PLEC: variants seen among roughly 807,000 people sequenced by gnomAD.
PLEC encodes plectin.
In PLEC, 216 loss-of-function variants were observed where a neutral mutation model predicts 392.8. The ratio of observed to expected loss-of-function variants is 0.55; its 90% CI spans 0.49 to 0.62. PLEC has a LOEUF of 0.62. Among genes scored for constraint, PLEC ranks in the 20% least tolerant of loss-of-function variants. The pLI, the probability that PLEC is intolerant of heterozygous loss-of-function variation, is 0.00. For missense variants in PLEC, 6,863 were observed against 6,563.4 expected (o/e 1.05, Z -1.58); for synonymous variants, 3,621 against 2,980.6 (o/e 1.21, Z -7.00).
intron 1 of PLEC, among the ~76,000 whole-genome samples, chr8:143,949,800 C>T (rs782643308): frequency 1.3e-5 from 2 of 152,168 alleles, no homozygotes; most frequent in Non-Finnish European, 2.9e-5. Flanking sequence ...ACCCAACCGG[C>T]GCCAGCACCT....
chr8:143,971,342 A>AAATG (rs1483544924), intron 1 of PLEC, among the ~76,000 whole-genome samples: 5 of 152,062 alleles, frequency 3.3e-5, no homozygotes, highest in Non-Finnish European at 5.9e-5. Flanking sequence ...CAGAACCACC[A>AAATG]AATGCTGAGC....
At position 143,931,673 on chromosome 8, in the gene PLEC, AG is replaced by A. The variant is rs782612482; in HGVS notation, c.2179-15del. 6.3e-7 allele frequency: 1 copy of A among 1,594,726 alleles called. No individual in the cohort carries two copies. Among genetic ancestry groups the A allele is most frequent in the Admixed American group, 1.7e-5 (1 of 57,444 alleles). ...ATCTGAGAAGAACTGGGGCAGCGGG[AG>A]GGGGTCACGCCAGGCTACCTGGGAC... On this transcript the variant is annotated splice_polypyrimidine_tract_variant and intron_variant, in intron 18 of 31. Coordinates refer to ENST00000345136, the MANE Select transcript of PLEC (RefSeq NM_201384.3).
rs781957922 is a variant in PLEC, at chr8:143,921,461, G to A, written c.8360C>T (p.Ser2787Phe). 1.9e-6 allele frequency: 3 copies of A among 1,613,338 alleles called. No individual in the cohort carries two copies. The highest frequency in any genetic ancestry group is 2.2e-5 in the East Asian group (1 of 44,872). ...YKDPYTGQQISLFQAMQKGLI... is the reference protein window; with the variant it reads ...YKDPYTGQQIFLFQAMQKGLI... ...GCCCTTCTGCATGGCTTGGAAGAGA[G>A]AGATCTGCTGGCCAGTGTAGGGGTC... is the stretch of plus-strand genomic sequence containing the variant. The change falls in exon 32 of 32, where the codon TCT becomes TTT. Residue 2787 changes from serine (S) to phenylalanine (F), a missense_variant. Coordinates refer to ENST00000345136, the MANE Select transcript of PLEC (RefSeq NM_201384.3).
chr8:143,928,660 T>C (rs920417929), intron 25 of PLEC, among the ~76,000 whole-genome samples: 5 of 127,454 alleles, frequency 3.9e-5, no homozygotes, highest in Non-Finnish European at 7.4e-5. Flanking sequence ...CTGTGAGGAG[T>C]AGACAGCGGG....
At chr8:143,927,170 A>G (rs1825511504) in intron 28 of PLEC, 82 bp downstream of exon 28, 1 of 1,570,942 alleles carries the variant, frequency 6.4e-7, no homozygotes, top group Non-Finnish European at 8.7e-7. Context: ...TTTCCCTGGC[A>G]TGGCCCAGGC....
intron 1 of PLEC, among the ~76,000 whole-genome samples, chr8:143,967,362 CAAAAAAAAAAAAAAAA>C (rs869137248): frequency 4.3e-5 from 2 of 46,854 alleles, no homozygotes; most frequent in African/African-American, 6.9e-5. Context: ...GACTCCATCT[CAAAAAAAAAAAAAAAA>C]AAAAAAAAAA....
At chr8:143,931,297 C>A (rs1025281711) in intron 19 of PLEC, among the ~76,000 whole-genome samples, 2 of 108,714 alleles carry the variant, frequency 1.8e-5, no homozygotes, top group Non-Finnish European at 4.8e-5. Flanking sequence ...GACCTCTACA[C>A]CTCCCATGGT....
intron 28 of PLEC, 31 bp downstream of exon 28, chr8:143,927,221 T>G (rs1354915229): frequency 1.9e-6 from 3 of 1,605,306 alleles, no homozygotes; most frequent in South Asian, 2.2e-5. Flanking sequence ...GGTCCCGGAC[T>G]TGGGGCCTGG....
At position 143,933,217 on chromosome 8, in the gene PLEC, C is replaced by G; in HGVS notation, c.1398G>C (p.Gln466His). The G allele has an allele frequency of 6.2e-7, 1 of 1,612,868 alleles. No individual in the cohort carries two copies. The highest frequency in any genetic ancestry group is 8.5e-7 in the Non-Finnish European group (1 of 1,179,956). The change falls in exon 13 of 32, where the codon CAG becomes CAC. Residue 466 changes from glutamine to histidine, a missense_variant. By Grantham distance (24) the Gln-to-His change is conservative. Coordinates refer to ENST00000345136, the MANE Select transcript of PLEC (RefSeq NM_201384.3). ...CCCACCTGCGGTACATCTGCTCGCC[C>G]TGCGGGTGCCGTCCATCCTTGAGGG... is the stretch of plus-strand genomic sequence containing the variant. ...VQTLKDGRHP[Q>H]GEQMYRRVYR...
intron 2 of PLEC, 146 bp from the exon 3 acceptor site, chr8:143,938,386 C>G (rs1554725480): frequency 6.5e-7 from 1 of 1,535,520 alleles, no homozygotes; most frequent in Non-Finnish European, 8.7e-7. Flanking sequence ...CACCCTGCCC[C>G]ACGGAGGCAC....
chr8:143,924,778 C>A lies in PLEC; in HGVS notation c.5151G>T (p.Arg1717=). The A allele has an allele frequency of 1.3e-6, 2 of 1,535,508 alleles. No homozygotes were observed. The highest frequency in any genetic ancestry group is 1.7e-6 in the Non-Finnish European group (2 of 1,146,612). Residue 1717 remains arginine, a synonymous_variant, in exon 31 of 32, where the codon CGG becomes CGT. Coordinates refer to ENST00000345136, the MANE Select transcript of PLEC (RefSeq NM_201384.3). ...CCCCCTGCTCCGTCTCGGCCCGCAG[C>A]CGGATCAACTCCTGCTCCGCGGCCA... ...QRLAAEQELI[R]LRAETEQGEQ...
chr8:143,925,305 G>A lies in PLEC; in HGVS notation c.4624C>T (p.Arg1542Trp), dbSNP rs781964198. The change falls in exon 31 of 32, where the codon CGG becomes TGG. Residue 1542 changes from arginine (R) to tryptophan (W), a missense_variant. Coordinates refer to ENST00000345136, the MANE Select transcript of PLEC (RefSeq NM_201384.3). Reference protein sequence around the residue: ...QRALQALEELRLQAEEAERRL... With the variant: ...QRALQALEELWLQAEEAERRL... ...CGCTCCGCCTCCTCCGCCTGCAGCC[G>A]CAGCTCCTCCAGGGCCTGCAGGGCC... is the stretch of plus-strand genomic sequence containing the variant. 2.5e-6 allele frequency: 4 copies of A among 1,570,270 alleles called. No homozygotes were observed. The highest frequency in any genetic ancestry group is 2.3e-5 in the East Asian group (1 of 42,970).
chr8:143,952,181 AACACACACACACACACAC>A (rs66992958), upstream of PLEC, among the ~76,000 whole-genome samples: 3 of 140,234 alleles, frequency 2.1e-5, no homozygotes, highest in Non-Finnish European at 4.5e-5. Context: ...GCAGGCTCCA[AACACACACACACACACAC>A]ACACACACAC....
chr8:143,936,050 C>T, intron 5 of PLEC, 36 bp from the exon 6 acceptor site: 1 of 1,606,702 alleles, frequency 6.2e-7, no homozygotes. Flanking sequence ...AGCTCAGCCA[C>T]AGCCACCAGG....
intron 3 of PLEC, 45 bp downstream of exon 3, chr8:143,938,106 C>CCAGGTGGGG (rs1829529555): frequency 7.0e-7 from 1 of 1,432,318 alleles, no homozygotes; most frequent in South Asian, 1.2e-5. Context: ...GCAGAGGTCT[C>CCAGGTGGGG]CAGGTGGGGC....
chr8:143,943,986 G>C (rs946347428), upstream of PLEC: 3 of 1,531,756 alleles, frequency 2.0e-6, no homozygotes, highest in African/African-American at 4.1e-5. Context: ...GGCGAGCGAG[G>C]GGGAGCGCCG....
At chr8:143,933,473 T>G in intron 12 of PLEC, 122 bp from the exon 13 acceptor site, 1 of 1,179,368 alleles carries the variant, frequency 8.5e-7, no homozygotes, top group Non-Finnish European at 1.2e-6. Context: ...CCTCCATCCC[T>G]GTCCTTCCCC....
chr8:143,931,257 C>T (rs1303509241), intron 19 of PLEC, among the ~76,000 whole-genome samples: 3 of 151,968 alleles, frequency 2.0e-5, no homozygotes, highest in Non-Finnish European at 4.4e-5. Flanking sequence ...CTCTCGGCTC[C>T]CCACATCCTG....
Position 143,930,049 on chromosome 8 carries a change from G to A in PLEC, c.2626C>T (p.His876Tyr). 4 of 1,611,352 alleles carry A rather than the reference G, an allele frequency of 2.5e-6. No individual in the cohort carries two copies. The highest frequency in any genetic ancestry group is 8.5e-7 in the Non-Finnish European group (1 of 1,179,796). Residue 876 changes from histidine to tyrosine, a missense_variant, in exon 22 of 32, where the codon CAC (histidine) becomes TAC (tyrosine). His to Tyr is a moderately conservative substitution (Grantham distance 83). Transcript: ENST00000345136. The part of the protein sequence containing the change: ...QEAVTRLEAQ[H>Y]QALVTLWHQL... Reference sequence around the variant, plus strand: ...TGCCACAGCGTGACCAGGGCCTGGTGCTGGGCCTCCAGCCTGGCAGGTCAG... The same window carrying A: ...TGCCACAGCGTGACCAGGGCCTGGTACTGGGCCTCCAGCCTGGCAGGTCAG...
Sources: allele counts gnomAD v4.1 joint callset (sites outside exome capture counted in the v4.1 genomes callset), GRCh38; gene constraint gnomAD v4.1.1; transcripts MANE v1.5; gene names NCBI Gene and HGNC (gene_info 2026-07-23, HGNC 2026-07-21).